The following EIF4H variants were observed in gnomAD, a reference collection of about 807,000 sequenced individuals.
The protein encoded by EIF4H is Williams-Beuren syndrome chromosome region 1.
In EIF4H, 8 loss-of-function variants were observed where a neutral mutation model predicts 30.6. That is an observed-to-expected ratio of 0.26 (90% CI 0.15 to 0.47). The LOEUF (loss-of-function observed/expected upper bound fraction) is 0.47. Ranked by LOEUF, EIF4H falls within the 20% of genes least tolerant of loss-of-function variation. The pLI, the probability that EIF4H is intolerant of heterozygous loss-of-function variation, is 0.99. For missense variants in EIF4H, 188 were observed against 339.5 expected (o/e 0.55, Z 3.51); for synonymous variants, 106 against 122.7 (o/e 0.86, Z 0.90).
chr7:74,181,880 C>A (rs1441860894), intron 1 of EIF4H, among the ~76,000 whole-genome samples: 3 of 152,000 alleles, frequency 2.0e-5, no homozygotes, highest in Non-Finnish European at 4.4e-5. Context: ...CTGTGCCCAG[C>A]TGATTTTTGT....
intron 1 of EIF4H, among the ~76,000 whole-genome samples, chr7:74,181,756 A>G (rs1191307081): frequency 1.6e-5 from 2 of 125,636 alleles, no homozygotes; most frequent in Admixed American, 9.1e-5. Flanking sequence ...TTTTTTTGAG[A>G]TGGAGTCTCA....
chr7:74,174,825 C>T (rs1265371607), intron 1 of EIF4H, among the ~76,000 whole-genome samples: 1 of 152,248 alleles, frequency 6.6e-6, no homozygotes, highest in Non-Finnish European at 1.5e-5. Context: ...ACGGCCTGCC[C>T]CGCTCCGGTC....
At chr7:74,182,465 G>A (rs1334254421) in intron 1 of EIF4H, among the ~76,000 whole-genome samples, 2 of 152,180 alleles carry the variant, frequency 1.3e-5, no homozygotes, top group Admixed American at 6.5e-5. Context: ...TGCCGGGATT[G>A]CAGGTGTGAG....
In EIF4H at chr7:74,196,991, A is replaced by G. The variant is rs1365551186; in HGVS notation, c.*1683A>G. ...ATCCAGTTGACTTTTAAATGTAAGA[A>G]TGGAATTCCAAACACTTAACACATT... On this transcript the variant is annotated 3_prime_UTR_variant, in exon 7 of 7. Transcript: ENST00000265753. 2.0e-5 allele frequency: 3 copies of G among 152,608 alleles called. No homozygotes were observed. Among genetic ancestry groups the G allele is most frequent in the Non-Finnish European group, 1.5e-5 (1 of 68,032 alleles). The allele number at this position is 152,608 out of a possible 1,614,324, so 9.5% of individuals were successfully genotyped here.
chr7:74,176,025 A>G (rs1800831128), intron 1 of EIF4H, among the ~76,000 whole-genome samples: 1 of 152,176 alleles, frequency 6.6e-6, no homozygotes, highest in African/African-American at 2.4e-5. Context: ...GTGTACTCCA[A>G]AAACTGATAG....
intron 1 of EIF4H, among the ~76,000 whole-genome samples, chr7:74,175,027 G>A (rs889790844): frequency 2.0e-5 from 3 of 152,256 alleles, no homozygotes; most frequent in Non-Finnish European, 4.4e-5. Context: ...AGACCAAGGA[G>A]ATAAATCCAT....
intron 5 of EIF4H, among the ~76,000 whole-genome samples, chr7:74,192,603 G>A (rs797024735): frequency 1.3e-5 from 2 of 151,534 alleles, no homozygotes; most frequent in African/African-American, 4.9e-5. Context: ...GTGCGGTGCT[G>A]CTCCTGTGTG....
At position 74,195,841 on chromosome 7, in the gene EIF4H, A is replaced by G. The variant is rs774618863; in HGVS notation, c.*533A>G. ...CCTTGTTGGTATTCAGCTGTGATGG[A>G]TATAGAGAATCAGAGGCACCTTGTT... On this transcript the variant is annotated 3_prime_UTR_variant, in exon 7 of 7. Transcript: ENST00000265753. The G allele has an allele frequency of 3.9e-5, 6 of 154,670 alleles. No individual in the cohort carries two copies. The highest frequency in any genetic ancestry group is 1.2e-4 in the African/African-American group (5 of 41,500). 9.6% of individuals were successfully genotyped at this position (154,670 alleles called of 1,614,324 possible). A position where few individuals can be genotyped will look rare whatever the true frequency, so the allele number is the denominator to read the frequency against.
chr7:74,189,210 G>A (rs1474255624), intron 2 of EIF4H, among the ~76,000 whole-genome samples: 1 of 152,176 alleles, frequency 6.6e-6, no homozygotes, highest in East Asian at 1.9e-4. Context: ...TGATTGCCAA[G>A]GATATATTTT....
chr7:74,182,725 G>T (rs1800989545), intron 1 of EIF4H, among the ~76,000 whole-genome samples: 1 of 152,146 alleles, frequency 6.6e-6, no homozygotes. Flanking sequence ...ACTTTCTGTT[G>T]CATCTACTTA....
At chr7:74,177,523 C>T (rs1800868454) in intron 1 of EIF4H, among the ~76,000 whole-genome samples, 1 of 151,884 alleles carries the variant, frequency 6.6e-6, no homozygotes, top group Non-Finnish European at 1.5e-5. Flanking sequence ...TCCCCCAGGT[C>T]CCTGGCAACC....
chr7:74,182,316 C>T (rs1800980195), intron 1 of EIF4H, among the ~76,000 whole-genome samples: 2 of 152,168 alleles, frequency 1.3e-5, no homozygotes, highest in Non-Finnish European at 2.9e-5. Context: ...AAAGGCTTGA[C>T]CTTTGAAAGC....
At chr7:74,184,501 A>G (rs1365318960) in intron 1 of EIF4H, among the ~76,000 whole-genome samples, 1 of 152,076 alleles carries the variant, frequency 6.6e-6, no homozygotes. Flanking sequence ...TATACGTCCC[A>G]CACAACTGTG....
chr7:74,176,466 G>T (rs1800843325), intron 1 of EIF4H, among the ~76,000 whole-genome samples: 1 of 152,132 alleles, frequency 6.6e-6, no homozygotes, highest in Non-Finnish European at 1.5e-5. Context: ...AAGCATCATA[G>T]AAGATTGCCA....
chr7:74,177,032 A>G (rs1401098297), intron 1 of EIF4H, among the ~76,000 whole-genome samples: 3 of 152,228 alleles, frequency 2.0e-5, no homozygotes, highest in Non-Finnish European at 2.9e-5. Context: ...GGAGGTGGCA[A>G]GAATTGAGGT....
intron 1 of EIF4H, among the ~76,000 whole-genome samples, chr7:74,184,621 T>A (rs1446948626): frequency 7.2e-6 from 1 of 138,208 alleles, no homozygotes; most frequent in Non-Finnish European, 1.6e-5. Flanking sequence ...TTTTTATGGT[T>A]TTCCACATGT....
At chr7:74,179,590 C>T (rs1800912040) in intron 1 of EIF4H, among the ~76,000 whole-genome samples, 2 of 151,124 alleles carry the variant, frequency 1.3e-5, no homozygotes, top group African/African-American at 4.9e-5. Flanking sequence ...CCAGATTGCG[C>T]CACTGCACTC....
At chr7:74,184,355 C>T (rs1161060436) in intron 1 of EIF4H, among the ~76,000 whole-genome samples, 1 of 152,168 alleles carries the variant, frequency 6.6e-6, no homozygotes, top group African/African-American at 2.4e-5. Flanking sequence ...CTTCGCACCT[C>T]CATTTTCCTT....
chr7:74,187,203 G>A (rs1801104024), intron 1 of EIF4H, among the ~76,000 whole-genome samples: 1 of 152,114 alleles, frequency 6.6e-6, no homozygotes, highest in Non-Finnish European at 1.5e-5. Flanking sequence ...GGTGAGGCAG[G>A]CAGACCACCT....
Sources: allele counts gnomAD v4.1 joint callset (sites outside exome capture counted in the v4.1 genomes callset), GRCh38; gene constraint gnomAD v4.1.1; transcripts MANE v1.5; gene names NCBI Gene and HGNC (gene_info 2026-07-23, HGNC 2026-07-21).